Variants in EXOC6B observed in about 807,000 individuals in gnomAD.
EXOC6B encodes SEC15 homolog B.
A neutral mutation model predicts 113.5 loss-of-function variants in EXOC6B; 54 were observed. The observed-to-expected ratio is 0.48, with a 90% CI of 0.38 to 0.60. The LOEUF (loss-of-function observed/expected upper bound fraction) is 0.60, where lower values mean the gene tolerates loss of function less well. Among genes scored for constraint, EXOC6B ranks in the 20% least tolerant of loss-of-function variants. The pLI, the probability that EXOC6B is intolerant of heterozygous loss-of-function variation, is 0.00. For missense variants in EXOC6B, 797 were observed against 977.5 expected (o/e 0.82, Z 2.46); for synonymous variants, 357 against 339.0 (o/e 1.05, Z -0.58).
intron 1 of EXOC6B, among the ~76,000 whole-genome samples, chr2:72,773,966 A>T (rs1432740524): frequency 6.6e-6 from 1 of 152,218 alleles, no homozygotes; most frequent in African/African-American, 2.4e-5. Flanking sequence ...TACAATGTGA[A>T]ATCTGAAACC....
intron 20 of EXOC6B, chr2:72,289,088 A>T: frequency 3.4e-6 from 1 of 291,626 alleles, no homozygotes. Context: ...AACACACAGG[A>T]GGGGAAATCC....
intron 17 of EXOC6B, among the ~76,000 whole-genome samples, chr2:72,477,880 T>C (rs1217121847): frequency 3.9e-5 from 6 of 152,216 alleles, no homozygotes; most frequent in African/African-American, 1.4e-4. Flanking sequence ...TTTATTTTTT[T>C]TTCCCTAGTT....
At chr2:72,782,139 CAAAAAAAAAA>C (rs374201314) in intron 1 of EXOC6B, among the ~76,000 whole-genome samples, 1 of 65,326 alleles carries the variant, frequency 1.5e-5, no homozygotes, top group Non-Finnish European at 3.1e-5. Context: ...GACTCACTCT[CAAAAAAAAAA>C]AAAAAAGAAA....
intron 18 of EXOC6B, among the ~76,000 whole-genome samples, chr2:72,432,609 A>T (rs1695607164): frequency 2.6e-5 from 4 of 151,978 alleles, no homozygotes; most frequent in Admixed American, 1.3e-4. Context: ...CTTCTTAATG[A>T]TCCCCATTCT....
intron 20 of EXOC6B, among the ~76,000 whole-genome samples, chr2:72,262,588 C>A (rs943719261): frequency 9.2e-5 from 14 of 152,250 alleles, no homozygotes; most frequent in African/African-American, 2.9e-4. Flanking sequence ...GCTATACTCA[C>A]CTTTTAATCA....
intron 1 of EXOC6B, among the ~76,000 whole-genome samples, chr2:72,787,365 C>G (rs1684433388): frequency 6.6e-6 from 1 of 151,676 alleles, no homozygotes; most frequent in Admixed American, 6.6e-5. Flanking sequence ...GCATGTGCCA[C>G]TTTTGTATTT....
At chr2:72,432,371 T>C (rs750586633) in intron 18 of EXOC6B, among the ~76,000 whole-genome samples, 3 of 152,208 alleles carry the variant, frequency 2.0e-5, no homozygotes, top group Non-Finnish European at 4.4e-5. Context: ...TTGTGAATAG[T>C]GCTGCAATAA....
chr2:72,802,691 T>A (rs1220726727), intron 1 of EXOC6B, among the ~76,000 whole-genome samples: 1 of 152,162 alleles, frequency 6.6e-6, no homozygotes, highest in Admixed American at 6.5e-5. Flanking sequence ...GGGAAAAAAA[T>A]TCTAAGATTC....
At chr2:72,401,526 T>G (rs201229737) in intron 18 of EXOC6B, among the ~76,000 whole-genome samples, 1 of 3,978 alleles carries the variant, frequency 2.5e-4, no homozygotes, top group Non-Finnish European at 4.7e-4. Flanking sequence ...CATATATACA[T>G]ATATATATAT....
chr2:72,727,553 G>A (rs532841674), intron 5 of EXOC6B, among the ~76,000 whole-genome samples: 6 of 152,258 alleles, frequency 3.9e-5, no homozygotes, highest in Admixed American at 1.3e-4. Context: ...TGGGTATGCC[G>A]ATTAAGTGCT....
At position 72,656,229 on chromosome 2, in the gene EXOC6B, C is replaced by T. The variant is rs946798325; in HGVS notation, c.669+61874G>A. 3.2e-4 allele frequency among the ~76,000 whole-genome samples: 49 copies of T among 152,036 alleles called. 1 individual carries two copies. Among genetic ancestry groups the T allele is most frequent in the African/African-American group, 1.0e-3 (43 of 41,514 alleles). ...AAAAACTAATAGAACACAAAGCCCA[C>T]GAACAGCCGAAGTAAATAAAAGTAG... On this transcript the variant is annotated intron_variant, in intron 6 of 21. Coordinates refer to ENST00000272427, the MANE Select transcript of EXOC6B (RefSeq NM_015189.3).
chr2:72,322,287 A>C (rs1164396250), intron 20 of EXOC6B, among the ~76,000 whole-genome samples: 1 of 152,226 alleles, frequency 6.6e-6, no homozygotes, highest in African/African-American at 2.4e-5. Context: ...ATGAATCTCA[A>C]AATATTATGC....
intron 6 of EXOC6B, among the ~76,000 whole-genome samples, chr2:72,706,643 T>G (rs1055598217): frequency 1.3e-5 from 2 of 152,228 alleles, no homozygotes; most frequent in African/African-American, 4.8e-5. Flanking sequence ...TGCCTTGGAT[T>G]ATCTCTCAGA....
intron 18 of EXOC6B, among the ~76,000 whole-genome samples, chr2:72,442,731 A>G (rs1339950765): frequency 6.6e-6 from 1 of 152,210 alleles, no homozygotes; most frequent in Non-Finnish European, 1.5e-5. Flanking sequence ...CTGCTCAAAG[A>G]AATCAGAGAA....
intron 6 of EXOC6B, among the ~76,000 whole-genome samples, chr2:72,601,652 C>T (rs1427443298): frequency 6.6e-6 from 1 of 152,032 alleles, no homozygotes; most frequent in Non-Finnish European, 1.5e-5. Flanking sequence ...CCATATGATC[C>T]ACCAATCATG....
intron 20 of EXOC6B, among the ~76,000 whole-genome samples, chr2:72,272,280 T>C (rs923261822): frequency 1.1e-4 from 16 of 152,170 alleles, no homozygotes; most frequent in African/African-American, 3.4e-4. Flanking sequence ...GTATTTCCTG[T>C]TGGGTTTCTT....
chr2:72,321,259 A>G (rs948844756), intron 20 of EXOC6B, among the ~76,000 whole-genome samples: 2 of 152,172 alleles, frequency 1.3e-5, no homozygotes, highest in African/African-American at 4.8e-5. Flanking sequence ...CCTGTACACA[A>G]ATGTTTATTG....
At position 72,731,240 on chromosome 2, in the gene EXOC6B, T is replaced by C; in HGVS notation, c.333A>G (p.Val111=). 1 of 1,612,266 alleles carries C rather than the reference T, an allele frequency of 6.2e-7. No individual in the cohort carries two copies. The highest frequency in any genetic ancestry group is 8.5e-7 in the Non-Finnish European group (1 of 1,178,816). The stretch of plus-strand genomic sequence containing the variant: ...ACTGCTTCAGCTCTTCCATTGCTAT[T>C]ACCAGCTTGGCAAGAGGGAAAAAGA... ...RKLQHEGKEL[V]IAMEELKQCR... Residue 111 remains valine, a synonymous_variant, in exon 4 of 22, where the codon GTA becomes GTG. Transcript: ENST00000272427.
intron 2 of EXOC6B, among the ~76,000 whole-genome samples, chr2:72,739,338 T>G (rs893674777): frequency 2.0e-5 from 3 of 152,146 alleles, no homozygotes; most frequent in African/African-American, 7.2e-5. Flanking sequence ...TAGAGCTCCT[T>G]TGTATTTCTT....
Sources: allele counts gnomAD v4.1 joint callset (sites outside exome capture counted in the v4.1 genomes callset), GRCh38; gene constraint gnomAD v4.1.1; transcripts MANE v1.5; gene names NCBI Gene and HGNC (gene_info 2026-07-23, HGNC 2026-07-21).